The following HMGN3 variants were observed in gnomAD, a reference collection of about 807,000 sequenced individuals.
HMGN3 encodes the protein high mobility group nucleosome-binding domain-containing protein 3.
A neutral mutation model predicts 18.8 loss-of-function variants in HMGN3; 6 were observed. That is an observed-to-expected ratio of 0.32 (90% confidence interval 0.18 to 0.63). The LOEUF (loss-of-function observed/expected upper bound fraction) is 0.63, where lower values mean the gene tolerates loss of function less well. HMGN3 is among the 30% of genes least tolerant of loss of function. The pLI is 0.79. For synonymous variants in HMGN3, 40 were observed against 36.5 expected, an observed-to-expected ratio of 1.10 and a Z score of -0.35; for missense variants, 107 against 114.2, an observed-to-expected ratio of 0.94 and a Z score of 0.29.
At chr6:79,234,242 A>G (rs865941683) in intron 1 of HMGN3, 1 of 315,220 alleles carries the variant, frequency 3.2e-6, no homozygotes, top group Non-Finnish European at 5.8e-6. Context: ...CCCTTTCGGA[A>G]TGGAAAGCCG....
At chr6:79,226,064 A>G (rs1340741218) in intron 1 of HMGN3, among the ~76,000 whole-genome samples, 3 of 152,274 alleles carry the variant, frequency 2.0e-5, no homozygotes, top group Non-Finnish European at 4.4e-5. Context: ...AGAAATAAAC[A>G]TATACAGAAA....
chr6:79,234,448 G>T (rs1367563886), intron 1 of HMGN3, 98 bp downstream of exon 1: 1 of 1,168,528 alleles, frequency 8.6e-7, no homozygotes, highest in East Asian at 2.4e-5. Flanking sequence ...CAATCCCCGG[G>T]TTACTACCGC....
At chr6:79,226,591 T>C (rs748540301) in intron 1 of HMGN3, among the ~76,000 whole-genome samples, 1 of 152,232 alleles carries the variant, frequency 6.6e-6, no homozygotes, top group Non-Finnish European at 1.5e-5. Context: ...AGGTGCATTA[T>C]GAATACAAAA....
chr6:79,220,732 C>T (rs973182475), intron 1 of HMGN3, among the ~76,000 whole-genome samples: 4 of 152,118 alleles, frequency 2.6e-5, no homozygotes, highest in African/African-American at 9.7e-5. Context: ...CAGGTGTGAG[C>T]CACCACGCCC....
intron 5 of HMGN3, 114 bp from the exon 7 acceptor site, chr6:79,201,840 C>A: frequency 6.8e-7 from 1 of 1,468,138 alleles, no homozygotes; most frequent in Middle Eastern, 1.8e-4. Flanking sequence ...TTTTTTTTTT[C>A]CAGCTTTACT....
intron 1 of HMGN3, among the ~76,000 whole-genome samples, chr6:79,233,168 G>A (rs890706933): frequency 1.3e-5 from 2 of 152,182 alleles, no homozygotes; most frequent in African/African-American, 4.8e-5. Context: ...GACAATTTAT[G>A]TCTTTAAGTC....
chr6:79,203,455 C>A, intron 4 of HMGN3, 125 bp downstream of exon 4: 1 of 853,362 alleles, frequency 1.2e-6, no homozygotes, highest in Non-Finnish European at 1.9e-6. Context: ...TAAGCAAGCC[C>A]GTAACAGTGG....
At chr6:79,233,994 A>G (rs1274790282) in intron 1 of HMGN3, 1 of 152,900 alleles carries the variant, frequency 6.5e-6, no homozygotes, top group Non-Finnish European at 1.5e-5. Context: ...GTTGGTACAT[A>G]CGGGTCTGCA....
intron 5 of HMGN3, 129 bp downstream of exon 6, chr6:79,201,934 T>C: frequency 6.9e-7 from 1 of 1,444,474 alleles, no homozygotes; most frequent in South Asian, 1.5e-5. Context: ...TGCTTTCTGC[T>C]TTTCAAACCA....
At chr6:79,206,366 T>C (rs745932177) in intron 3 of HMGN3, among the ~76,000 whole-genome samples, 6 of 152,160 alleles carry the variant, frequency 3.9e-5, no homozygotes, top group Non-Finnish European at 7.4e-5. Flanking sequence ...CCCTCTGCTC[T>C]GTGCAGTCTA....
chr6:79,208,666 T>C (rs1776538504), intron 2 of HMGN3, 90 bp from the exon 3 acceptor site: 2 of 982,052 alleles, frequency 2.0e-6, no homozygotes, highest in African/African-American at 3.2e-5. Context: ...TATACCTTAC[T>C]TTGTTGAATG....
intron 1 of HMGN3, among the ~76,000 whole-genome samples, chr6:79,230,636 T>C (rs1375463641): frequency 6.6e-6 from 1 of 152,190 alleles, no homozygotes; most frequent in Non-Finnish European, 1.5e-5. Flanking sequence ...TCTACTTGAG[T>C]CTTCATTATT....
At chr6:79,207,489 T>C (rs1381030755) in intron 3 of HMGN3, among the ~76,000 whole-genome samples, 2 of 152,228 alleles carry the variant, frequency 1.3e-5, no homozygotes, top group Admixed American at 6.5e-5. Context: ...TCTTCCACCA[T>C]GATTGTGAGG....
intron 1 of HMGN3, among the ~76,000 whole-genome samples, chr6:79,218,420 T>G (rs1777103629): frequency 2.0e-5 from 3 of 152,124 alleles, no homozygotes; most frequent in Admixed American, 6.5e-5. Flanking sequence ...AGAAACGACC[T>G]AAACATATGT....
exon 6 of HMGN3, chr6:79,201,547 T>C (rs1371450664): frequency 3.2e-6 from 2 of 625,012 alleles, no homozygotes; most frequent in East Asian, 2.6e-5. Context: ...TATGAGACGA[T>C]AAAATGTCCA....
At chr6:79,216,833 C>A (rs953637498) in intron 1 of HMGN3, among the ~76,000 whole-genome samples, 5 of 152,174 alleles carry the variant, frequency 3.3e-5, no homozygotes, top group African/African-American at 7.2e-5. Flanking sequence ...ACACAACAGA[C>A]CCTTGGTTGT....
chr6:79,234,445 C>A, intron 1 of HMGN3, 101 bp downstream of exon 1: 1 of 1,124,078 alleles, frequency 8.9e-7, no homozygotes. Flanking sequence ...TCCCAATCCC[C>A]GGGTTACTAC....
intron 1 of HMGN3, among the ~76,000 whole-genome samples, chr6:79,216,494 C>T (rs1776989410): frequency 6.6e-6 from 1 of 152,132 alleles, no homozygotes; most frequent in South Asian, 2.1e-4. Context: ...GCAAAGGACC[C>T]AGTGACCTTT....
intron 1 of HMGN3, among the ~76,000 whole-genome samples, chr6:79,232,746 C>T (rs1009482483): frequency 2.6e-5 from 4 of 152,062 alleles, no homozygotes; most frequent in African/African-American, 9.7e-5. Flanking sequence ...GCACACCTAA[C>T]CTACTGTTTA....
Sources: gnomAD v4.1 joint callset for allele counts (sites outside exome capture counted in the v4.1 genomes callset) on GRCh38, gnomAD v4.1.1 for gene constraint, MANE v1.5 for transcripts, NCBI Gene and HGNC (gene_info 2026-07-23, HGNC 2026-07-21) for gene names.